The following DENND1A variants were observed in gnomAD, a reference collection of about 807,000 sequenced individuals.
The protein encoded by DENND1A is DENN domain-containing protein 1A.
DENND1A carries 51 observed loss-of-function variants against 113.7 expected under a neutral mutation model. The observed-to-expected ratio is 0.45, with a 90% CI of 0.36 to 0.57. The LOEUF (loss-of-function observed/expected upper bound fraction) is 0.57, where lower values mean the gene tolerates loss of function less well. DENND1A is among the 20% of genes least tolerant of loss of function. DENND1A has a pLI of 0.00. For missense variants in DENND1A, 1,258 were observed against 1,395.9 expected (o/e 0.90, Z 1.57); for synonymous variants, 565 against 570.8 (o/e 0.99, Z 0.14).
At chr9:123,733,355 CT>C (rs2068323401) in intron 5 of DENND1A, among the ~76,000 whole-genome samples, 1 of 152,040 alleles carries the variant, frequency 6.6e-6, no homozygotes. Context: ...TCATAGGTTT[CT>C]GTAGCCTCAA....
chr9:123,579,466 TTA>T (rs2058782501), intron 12 of DENND1A, among the ~76,000 whole-genome samples: 1 of 152,116 alleles, frequency 6.6e-6, no homozygotes, highest in Non-Finnish European at 1.5e-5. Flanking sequence ...GAAATGGAGT[TTA>T]TGTTTTTAGA....
chr9:123,513,525 C>T (rs2053625616), intron 13 of DENND1A, among the ~76,000 whole-genome samples: 1 of 152,206 alleles, frequency 6.6e-6, no homozygotes, highest in African/African-American at 2.4e-5. Context: ...GCTAAGAGGA[C>T]ACACCAAGGC....
At chr9:123,854,396 CA>C (rs1590383345) in intron 2 of DENND1A, among the ~76,000 whole-genome samples, 1 of 151,962 alleles carries the variant, frequency 6.6e-6, no homozygotes. Flanking sequence ...CAAAGTAAAA[CA>C]AAAAAATAAA....
intron 5 of DENND1A, among the ~76,000 whole-genome samples, chr9:123,731,971 A>C (rs1275747984): frequency 6.6e-6 from 1 of 152,246 alleles, no homozygotes; most frequent in Admixed American, 6.5e-5. Context: ...GATATGCCCC[A>C]ATCACTGATT....
At chr9:123,740,756 G>A (rs2068940769) in intron 5 of DENND1A, among the ~76,000 whole-genome samples, 1 of 152,094 alleles carries the variant, frequency 6.6e-6, no homozygotes, top group African/African-American at 2.4e-5. Context: ...TTGTCACATG[G>A]CTCGTAAGTC....
intron 10 of DENND1A, among the ~76,000 whole-genome samples, chr9:123,614,581 A>G (rs1429322954): frequency 6.6e-6 from 1 of 151,988 alleles, no homozygotes; most frequent in Non-Finnish European, 1.5e-5. Flanking sequence ...ATAAAGGAAC[A>G]CTGGCTGCTT....
At chr9:123,403,106 T>A in intron 21 of DENND1A, among the ~76,000 whole-genome samples, 1 of 152,176 alleles carries the variant, frequency 6.6e-6, no homozygotes, top group Non-Finnish European at 1.5e-5. Flanking sequence ...ACTCGGCATC[T>A]TCAGCACAAG....
intron 5 of DENND1A, among the ~76,000 whole-genome samples, chr9:123,719,254 G>A (rs1285283798): frequency 2.6e-5 from 4 of 152,154 alleles, no homozygotes; most frequent in Non-Finnish European, 4.4e-5. Context: ...TAGGAATTAC[G>A]ACTCCCATTT....
chr9:123,739,122 T>C (rs577212025), intron 5 of DENND1A, among the ~76,000 whole-genome samples: 7 of 152,232 alleles, frequency 4.6e-5, no homozygotes, highest in Non-Finnish European at 8.8e-5. Context: ...TCTCAAGAAA[T>C]CTGTTCAACC....
At chr9:123,927,805 A>G (rs1298499680) in intron 1 of DENND1A, among the ~76,000 whole-genome samples, 1 of 152,186 alleles carries the variant, frequency 6.6e-6, no homozygotes, top group Non-Finnish European at 1.5e-5. Context: ...AGCCAGGAGA[A>G]CATCTTGAAT....
intron 1 of DENND1A, among the ~76,000 whole-genome samples, chr9:123,884,506 A>G (rs1848738240): frequency 6.6e-6 from 1 of 151,492 alleles, no homozygotes; most frequent in South Asian, 2.1e-4. Context: ...CCTGCCAAGC[A>G]TTTTTTTTGC....
intron 5 of DENND1A, among the ~76,000 whole-genome samples, chr9:123,743,635 G>A (rs971558635): frequency 9.2e-5 from 14 of 151,586 alleles, no homozygotes; most frequent in South Asian, 2.1e-4. Flanking sequence ...GGGAGGCTGA[G>A]GCAGGAGAAT....
chr9:123,560,577 C>T (rs1025085247), intron 12 of DENND1A, among the ~76,000 whole-genome samples: 1 of 151,672 alleles, frequency 6.6e-6, no homozygotes, highest in African/African-American at 2.4e-5. Context: ...GTAGTCTCAG[C>T]TACTTAGAAG....
At position 123,457,388 on chromosome 9, in the gene DENND1A, A is replaced by C. The variant is rs142859058; in HGVS notation, c.1146T>G (p.Ser382Arg). 2.8e-5 allele frequency: 45 copies of C among 1,613,998 alleles called. No individual in the cohort carries two copies. Among genetic ancestry groups the C allele is most frequent in the Non-Finnish European group, 3.5e-5 (41 of 1,179,990 alleles). The change falls in exon 15 of 24, where the codon AGT becomes AGG. Residue 382 changes from serine to arginine, a missense_variant. Transcript: ENST00000394215. ...TGTTGATTTCCTCTTCAAAAACATCACTGAAACCTTCGCCGGAATTGAGAA... is the reference window on the plus strand; with the variant it reads ...TGTTGATTTCCTCTTCAAAAACATCCCTGAAACCTTCGCCGGAATTGAGAA... ...LDLLNSGEGF[S>R]DVFEEEINMG...
chr9:123,702,534 CAA>C (rs1406906763), intron 5 of DENND1A, among the ~76,000 whole-genome samples: 2 of 151,966 alleles, frequency 1.3e-5, no homozygotes, highest in Non-Finnish European at 2.9e-5. Flanking sequence ...AGATCAAAGA[CAA>C]AGAGAAAATC....
At position 123,587,185 on chromosome 9, in the gene DENND1A, G is replaced by A. The variant is rs561304601; in HGVS notation, c.766-3915C>T. ...GGGATTTAGGGTCATTTGATTATGC[G>A]GTGAGATGGTCACATGGGGATGAAG... On this transcript the variant is annotated intron_variant, in intron 11 of 23. Transcript: ENST00000394215. Among the ~76,000 whole-genome samples, 15 of 152,192 alleles carry A rather than the reference G, an allele frequency of 9.9e-5. No individual in the cohort carries two copies. In the South Asian group the frequency reaches 1.2e-3, roughly 13 times the overall value.
rs138265516 is a variant in DENND1A at position 123,497,533 on chromosome 9, C to G, written c.994-39636G>C. Reference sequence around the variant, plus strand: ...AGATGGGGTCTCACTATATTGACCACGCTGGTATCGAACTCCTGGTCTCAA... The same window carrying G: ...AGATGGGGTCTCACTATATTGACCAGGCTGGTATCGAACTCCTGGTCTCAA... On this transcript the variant is annotated intron_variant, in intron 13 of 23. Transcript: ENST00000394215. 2.9e-3 allele frequency among the ~76,000 whole-genome samples: 444 copies of G among 152,164 alleles called. 13 individuals carry two copies. The highest frequency in any genetic ancestry group is 0.026 in the Admixed American group (402 of 15,276).
intron 21 of DENND1A, among the ~76,000 whole-genome samples, chr9:123,396,035 G>A (rs1343421443): frequency 1.3e-5 from 2 of 152,046 alleles, no homozygotes; most frequent in East Asian, 1.9e-4. Flanking sequence ...CAACATGGCC[G>A]GTCACCGCCA....
chr9:123,468,293 G>A (rs556306229), intron 13 of DENND1A, among the ~76,000 whole-genome samples: 1 of 152,304 alleles, frequency 6.6e-6, no homozygotes, highest in Admixed American at 6.5e-5. Flanking sequence ...AGATGGTGGA[G>A]GTTCACAGAT....
Sources: allele counts gnomAD v4.1 joint callset (sites outside exome capture counted in the v4.1 genomes callset), GRCh38; gene constraint gnomAD v4.1.1; transcripts MANE v1.5; gene names NCBI Gene and HGNC (gene_info 2026-07-23, HGNC 2026-07-21).